The following MRPL42 variants were observed in gnomAD, a reference collection of about 807,000 sequenced individuals.
MRPL42 encodes the protein mitochondrial ribosomal protein L42.
A neutral mutation model predicts 17.9 loss-of-function variants in MRPL42; 17 were observed. The observed-to-expected ratio is 0.95, with a 90% CI of 0.65 to 1.42. MRPL42 has a LOEUF of 1.42. Ranked by LOEUF, MRPL42 falls within the 40% of genes most tolerant of loss-of-function variation. MRPL42 has a pLI of 0.00. For synonymous variants in MRPL42, 59 were observed against 54.4 expected (o/e 1.08, Z -0.37); for missense variants, 177 against 175.2 (o/e 1.01, Z -0.06).
Position 93,504,770 on chromosome 12 carries a change from A to C in MRPL42, c.*3549A>C, listed in dbSNP as rs548127856. Reference sequence around the variant, plus strand: ...TCTGTTGTTACGTGCAACACTGTATATCTCTCCATAGCACTTAATCAGAGT... The same window carrying C: ...TCTGTTGTTACGTGCAACACTGTATCTCTCTCCATAGCACTTAATCAGAGT... On this transcript the variant is annotated 3_prime_UTR_variant, in exon 6 of 6. Coordinates refer to ENST00000549982, the MANE Select transcript of MRPL42 (RefSeq NM_014050.4). The C allele has an allele frequency of 1.3e-5, 2 of 152,294 alleles. No individual in the cohort carries two copies. Among genetic ancestry groups the C allele is most frequent in the African/African-American group, 2.4e-5 (1 of 41,548 alleles). The allele number at this position is 152,294 out of a possible 1,614,324, so 9.4% of individuals were successfully genotyped here.
At chr12:93,480,131 T>C (rs1880386541) in intron 4 of MRPL42, among the ~76,000 whole-genome samples, 1 of 150,390 alleles carries the variant, frequency 6.6e-6, no homozygotes, top group Non-Finnish European at 1.5e-5. Context: ...TTTGATTTGC[T>C]TTTTTTTTGA....
At chr12:93,476,171 G>A (rs1348623099) in intron 2 of MRPL42, among the ~76,000 whole-genome samples, 1 of 151,856 alleles carries the variant, frequency 6.6e-6, no homozygotes, top group East Asian at 1.9e-4. Context: ...TATGCACCTT[G>A]GAAAACCCAA....
At chr12:93,497,861 C>T (rs1953535352) in intron 5 of MRPL42, among the ~76,000 whole-genome samples, 4 of 151,308 alleles carry the variant, frequency 2.6e-5, no homozygotes, top group Admixed American at 2.6e-4. Context: ...CTCAGAAACA[C>T]TCTAGGCCTA....
Position 93,501,216 on chromosome 12 carries a change from A to G in MRPL42, c.424A>G (p.Arg142Gly), listed in dbSNP as rs1208236494. The G allele has an allele frequency of 1.9e-6, 3 of 1,602,514 alleles. No homozygotes were observed. The highest frequency in any genetic ancestry group is 2.3e-5 in the East Asian group (1 of 44,366). Residue 142 changes from arginine to glycine, a missense_variant, in exon 6 of 6, where the codon AGA (arginine) becomes GGA (glycine). Physicochemically the swap from Arg to Gly is moderately radical, Grantham distance 125. Transcript: ENST00000549982. ...CRKNLNPPKD[R>G] ...TAAGAATCTGAATCCTCCAAAAGACAGATGATGCGGAGGTTCCTGGGGGAA... is the reference window on the plus strand; with the variant it reads ...TAAGAATCTGAATCCTCCAAAAGACGGATGATGCGGAGGTTCCTGGGGGAA...
intron 2 of MRPL42, among the ~76,000 whole-genome samples, chr12:93,472,897 C>G (rs1402916163): frequency 2.0e-5 from 3 of 152,096 alleles, no homozygotes; most frequent in Non-Finnish European, 2.9e-5. Context: ...AGTTCTGTGG[C>G]CCTCATAAGT....
At chr12:93,469,587 A>AG (rs752613679) in intron 2 of MRPL42, among the ~76,000 whole-genome samples, 78 of 151,892 alleles carry the variant, frequency 5.1e-4, no homozygotes, top group Non-Finnish European at 8.8e-4. Flanking sequence ...GCTTGAGGCC[A>AG]GGGGTTTGAG....
At chr12:93,497,025 A>G (rs1447370867) in intron 5 of MRPL42, among the ~76,000 whole-genome samples, 1 of 152,200 alleles carries the variant, frequency 6.6e-6, no homozygotes, top group Non-Finnish European at 1.5e-5. Flanking sequence ...AATCAGGAAG[A>G]AACTGAAACC....
At chr12:93,473,710 C>T (rs192240069) in intron 2 of MRPL42, among the ~76,000 whole-genome samples, 30 of 152,000 alleles carry the variant, frequency 2.0e-4, no homozygotes, top group Middle Eastern at 3.4e-3. Context: ...GGATTACAGA[C>T]GTGAGCCACT....
rs1410118726 is a variant in MRPL42 at position 93,502,869 on chromosome 12, G to A, written c.*1648G>A. On this transcript the variant is annotated 3_prime_UTR_variant, in exon 6 of 6. Coordinates refer to ENST00000549982, the MANE Select transcript of MRPL42 (RefSeq NM_014050.4). ...CCCACATCCACATACTTATGTGTCA[G>A]TGCTTTGGAGAATTAACTTTGACTT... 6.6e-6 allele frequency: 1 copy of A among 152,204 alleles called. No individual in the cohort carries two copies. The highest frequency in any genetic ancestry group is 2.4e-5 in the African/African-American group (1 of 41,440). The allele number at this position is 152,204 out of a possible 1,614,324, so 9.4% of individuals were successfully genotyped here.
chr12:93,497,923 C>T (rs2094320650), intron 5 of MRPL42, among the ~76,000 whole-genome samples: 1 of 145,918 alleles, frequency 6.9e-6, no homozygotes, highest in Admixed American at 7.0e-5. Context: ...TCATGCCCTA[C>T]TGTCTTTTCC....
intron 5 of MRPL42, among the ~76,000 whole-genome samples, chr12:93,492,828 A>G (rs1328489295): frequency 5.3e-5 from 8 of 151,712 alleles, no homozygotes; most frequent in African/African-American, 1.9e-4. Flanking sequence ...AATGTGCACT[A>G]CAATCACTAG....
At chr12:93,500,159 C>T (rs1350875095) in intron 5 of MRPL42, among the ~76,000 whole-genome samples, 1 of 152,228 alleles carries the variant, frequency 6.6e-6, no homozygotes, top group East Asian at 1.9e-4. Flanking sequence ...GTTAGTTTGC[C>T]TATTTTTACA....
At chr12:93,475,945 C>A (rs1592767853) in intron 2 of MRPL42, among the ~76,000 whole-genome samples, 1 of 152,174 alleles carries the variant, frequency 6.6e-6, no homozygotes, top group East Asian at 1.9e-4. Context: ...CGCACCACTG[C>A]ACTCCAGCCT....
rs888998695 is a variant in MRPL42 at position 93,500,409 on chromosome 12, G to A, written c.384-767G>A. ...TTTCACCACACCTGTGCTTGGATTGGGCATTATGATTTTTAACATGTTTGT... is the reference window on the plus strand; with the variant it reads ...TTTCACCACACCTGTGCTTGGATTGAGCATTATGATTTTTAACATGTTTGT... On this transcript the variant is annotated intron_variant, in intron 5 of 5. Coordinates refer to ENST00000549982, the MANE Select transcript of MRPL42 (RefSeq NM_014050.4). Among the ~76,000 whole-genome samples, 5 of 152,198 alleles carry A rather than the reference G, an allele frequency of 3.3e-5. 1 individual carries two copies. Among genetic ancestry groups the A allele is most frequent in the East Asian group, 1.9e-4 (1 of 5,186 alleles).
chr12:93,488,574 T>TTGTG (rs1174866800), intron 5 of MRPL42: 4 of 311,092 alleles, frequency 1.3e-5, no homozygotes, highest in African/African-American at 8.7e-5. Context: ...AAGTAATTGA[T>TTGTG]TGTGTCTTCA....
intron 5 of MRPL42, among the ~76,000 whole-genome samples, chr12:93,495,898 T>C (rs1362763796): frequency 6.6e-6 from 1 of 152,162 alleles, no homozygotes; most frequent in African/African-American, 2.4e-5. Context: ...AAAACTTCCA[T>C]AAAGTATGGT....
rs749829972 is a variant in MRPL42 at position 93,511,037 on chromosome 12, A to G, written c.*9816A>G. ...AAAAGACTTACCTTTTCTGAATGCAACAGTATTAGTAAACCTAATGGTGAC... is the reference window on the plus strand; with the variant it reads ...AAAAGACTTACCTTTTCTGAATGCAGCAGTATTAGTAAACCTAATGGTGAC... On this transcript the variant is annotated 3_prime_UTR_variant, in exon 6 of 6. Transcript: ENST00000549982. 6.6e-6 allele frequency: 1 copy of G among 152,220 alleles called. No homozygotes were observed. Among genetic ancestry groups the G allele is most frequent in the Admixed American group, 6.5e-5 (1 of 15,278 alleles). The allele number at this position is 152,220 out of a possible 1,614,324, so 9.4% of individuals were successfully genotyped here. A position where few individuals can be genotyped will look rare whatever the true frequency, so the allele number is the denominator to read the frequency against.
In MRPL42 at chr12:93,512,935, A is replaced by G. The variant is rs1347668997; in HGVS notation, c.*11714A>G. Reference sequence around the variant, plus strand: ...AAATGAATTTTGAAAATACCACACCACTTGCTTCATTTTGGATAAAAGTTA... The same window carrying G: ...AAATGAATTTTGAAAATACCACACCGCTTGCTTCATTTTGGATAAAAGTTA... On this transcript the variant is annotated 3_prime_UTR_variant, in exon 6 of 6. Coordinates refer to ENST00000549982, the MANE Select transcript of MRPL42 (RefSeq NM_014050.4). 3.9e-5 allele frequency: 6 copies of G among 152,166 alleles called. No homozygotes were observed. Among genetic ancestry groups the G allele is most frequent in the Admixed American group, 2.6e-4 (4 of 15,262 alleles). 9.4% of individuals were successfully genotyped at this position (152,166 alleles called of 1,614,324 possible). A position where few individuals can be genotyped will look rare whatever the true frequency, so the allele number is the denominator to read the frequency against.
intron 5 of MRPL42, among the ~76,000 whole-genome samples, chr12:93,488,826 T>G (rs1953360750): frequency 6.6e-6 from 1 of 152,166 alleles, no homozygotes; most frequent in Non-Finnish European, 1.5e-5. Context: ...TATAAGATGT[T>G]TTTGTTGTTT....
Sources: allele counts gnomAD v4.1 joint callset (sites outside exome capture counted in the v4.1 genomes callset), GRCh38; gene constraint gnomAD v4.1.1; transcripts MANE v1.5; gene names NCBI Gene and HGNC (gene_info 2026-07-23, HGNC 2026-07-21).